Variants in DPP10 observed in about 807,000 individuals in gnomAD.
DPP10 encodes inactive dipeptidyl peptidase 10.
In DPP10, 33 loss-of-function variants were observed where a neutral mutation model predicts 120.9. The observed-to-expected ratio is 0.27, with a 90% CI of 0.21 to 0.37. DPP10 has a LOEUF of 0.37. DPP10 is among the 10% of genes least tolerant of loss of function. DPP10 has a pLI of 1.00. For synonymous variants in DPP10, 337 were observed against 326.1 expected (o/e 1.03, Z -0.36); for missense variants, 816 against 942.8 (o/e 0.87, Z 1.76).
intron 1 of DPP10, among the ~76,000 whole-genome samples, chr2:115,268,566 G>T (rs904916449): frequency 4.6e-5 from 7 of 152,104 alleles, no homozygotes; most frequent in African/African-American, 1.4e-4. Flanking sequence ...TTAACTGTAG[G>T]GCTGTAGACT....
At chr2:115,295,422 A>G (rs543408882) in intron 1 of DPP10, among the ~76,000 whole-genome samples, 1 of 152,254 alleles carries the variant, frequency 6.6e-6, no homozygotes, top group East Asian at 1.9e-4. Flanking sequence ...AAAAGGTCCA[A>G]ATGTTGCTTA....
chr2:115,194,836 A>C (rs1425358016), intron 1 of DPP10, among the ~76,000 whole-genome samples: 1 of 152,046 alleles, frequency 6.6e-6, no homozygotes, highest in African/African-American at 2.4e-5. Context: ...ATACAGTAGG[A>C]GATTACTCTG....
chr2:115,076,812 AT>A (rs1222149719), intron 1 of DPP10, among the ~76,000 whole-genome samples: 15 of 152,234 alleles, frequency 9.9e-5, no homozygotes, highest in African/African-American at 3.4e-4. Context: ...AGTAATGAGC[AT>A]TACTGCTCTT....
chr2:115,677,225 A>G (rs989175713), intron 5 of DPP10, among the ~76,000 whole-genome samples: 4 of 152,196 alleles, frequency 2.6e-5, no homozygotes, highest in Non-Finnish European at 4.4e-5. Context: ...GGCAATCTCT[A>G]CCATTATAAA....
chr2:114,798,599 G>A (rs1683913735), intron 1 of DPP10, among the ~76,000 whole-genome samples: 1 of 152,042 alleles, frequency 6.6e-6, no homozygotes, highest in African/African-American at 2.4e-5. Flanking sequence ...ATAATAAGCA[G>A]AGCTAAAGTG....
At chr2:114,558,662 C>G (rs2104926120) in intron 1 of DPP10, among the ~76,000 whole-genome samples, 1 of 152,354 alleles carries the variant, frequency 6.6e-6, no homozygotes, top group South Asian at 2.1e-4. Context: ...ATGGCAGACA[C>G]AGCTGACACT....
At chr2:114,973,319 A>T (rs1276097531) in intron 1 of DPP10, among the ~76,000 whole-genome samples, 1 of 151,856 alleles carries the variant, frequency 6.6e-6, no homozygotes, top group East Asian at 1.9e-4. Context: ...TATTTACCAT[A>T]CTAGATTTCT....
At chr2:114,621,242 A>G (rs906115191) in intron 1 of DPP10, among the ~76,000 whole-genome samples, 1 of 152,108 alleles carries the variant, frequency 6.6e-6, no homozygotes, top group African/African-American at 2.4e-5. Flanking sequence ...GACAGTTGTA[A>G]TACTTAAGAA....
intron 1 of DPP10, among the ~76,000 whole-genome samples, chr2:114,798,597 C>T (rs1683913280): frequency 6.6e-6 from 1 of 152,026 alleles, no homozygotes; most frequent in Non-Finnish European, 1.5e-5. Flanking sequence ...CAATAATAAG[C>T]AGAGCTAAAG....
chr2:115,820,127 A>G (rs778481101), intron 21 of DPP10, among the ~76,000 whole-genome samples: 9 of 152,202 alleles, frequency 5.9e-5, no homozygotes, highest in Non-Finnish European at 8.8e-5. Context: ...GGATAAGTCT[A>G]TGTCTTCTGA....
intron 3 of DPP10, among the ~76,000 whole-genome samples, chr2:115,374,739 A>G (rs772721459): frequency 1.3e-5 from 2 of 152,210 alleles, no homozygotes; most frequent in Non-Finnish European, 2.9e-5. Flanking sequence ...GCCCAACACC[A>G]TGTGGAAGCC....
At chr2:114,738,141 A>G (rs1176363826) in intron 1 of DPP10, among the ~76,000 whole-genome samples, 1 of 152,164 alleles carries the variant, frequency 6.6e-6, no homozygotes, top group Admixed American at 6.5e-5. Context: ...TATCACAAGA[A>G]CAGCAAAAAG....
At chr2:114,809,241 C>T (rs1684987373) in intron 1 of DPP10, among the ~76,000 whole-genome samples, 2 of 152,132 alleles carry the variant, frequency 1.3e-5, no homozygotes, top group African/African-American at 2.4e-5. Context: ...ATGGGTTGAT[C>T]ACTCTGGGCT....
At chr2:114,486,920 GA>G (rs1361785954) in intron 1 of DPP10, among the ~76,000 whole-genome samples, 1 of 152,076 alleles carries the variant, frequency 6.6e-6, no homozygotes, top group African/African-American at 2.4e-5. Context: ...GAGTTTTTCT[GA>G]ATCCATAAAT....
chr2:115,239,845 A>G (rs976845359), intron 1 of DPP10, among the ~76,000 whole-genome samples: 3 of 152,140 alleles, frequency 2.0e-5, no homozygotes, highest in African/African-American at 7.2e-5. Flanking sequence ...GAGTGAGAAC[A>G]TGCAGTGTTT....
chr2:115,220,739 T>A (rs1351267121), intron 1 of DPP10, among the ~76,000 whole-genome samples: 1 of 152,120 alleles, frequency 6.6e-6, no homozygotes, highest in Non-Finnish European at 1.5e-5. Context: ...ACAAAACAAA[T>A]CACTACTGTG....
intron 1 of DPP10, among the ~76,000 whole-genome samples, chr2:115,281,692 A>C (rs1574281875): frequency 6.6e-6 from 1 of 152,298 alleles, no homozygotes; most frequent in Non-Finnish European, 1.5e-5. Context: ...ATATGCAACA[A>C]ATATTAGTTG....
chr2:115,309,883 A>C (rs1020226133), intron 2 of DPP10, among the ~76,000 whole-genome samples: 14 of 152,092 alleles, frequency 9.2e-5, no homozygotes, highest in Admixed American at 2.0e-4. Context: ...ATCTAAAGAA[A>C]CTTTGCAAAT....
intron 1 of DPP10, among the ~76,000 whole-genome samples, chr2:115,030,272 G>T (rs1703748579): frequency 6.6e-6 from 1 of 151,574 alleles, no homozygotes; most frequent in South Asian, 2.1e-4. Context: ...TCTTACTTTG[G>T]TTTTCATTTT....
Sources: gnomAD v4.1 joint callset for allele counts (sites outside exome capture counted in the v4.1 genomes callset) on GRCh38, gnomAD v4.1.1 for gene constraint, MANE v1.5 for transcripts, NCBI Gene and HGNC (gene_info 2026-07-23, HGNC 2026-07-21) for gene names.